EFR3A: variants seen among roughly 807,000 people sequenced by gnomAD.
EFR3A encodes EFR3 homolog A, also known as protein EFR3 homolog A.
Under a neutral mutation model 104.4 loss-of-function variants are expected in EFR3A, and 76 were observed. That is an observed-to-expected ratio of 0.73 (90% CI 0.60 to 0.88). The LOEUF is 0.88. EFR3A is among the 40% of genes least tolerant of loss of function. EFR3A has a pLI of 0.00. For synonymous variants in EFR3A, 330 were observed against 330.0 expected, an observed-to-expected ratio of 1.00 and a Z score of 0.00; for missense variants, 985 against 1,012.5, an observed-to-expected ratio of 0.97 and a Z score of 0.37.
intron 16 of EFR3A, among the ~76,000 whole-genome samples, chr8:131,985,797 A>G (rs966791217): frequency 1.3e-5 from 2 of 152,246 alleles, no homozygotes; most frequent in Non-Finnish European, 2.9e-5. Flanking sequence ...GCCAGTCCAC[A>G]CAAGTGCCTG....
intron 8 of EFR3A, among the ~76,000 whole-genome samples, chr8:131,961,336 C>T (rs1340704393): frequency 6.6e-6 from 1 of 152,126 alleles, no homozygotes; most frequent in African/African-American, 2.4e-5. Flanking sequence ...AAATGGCTAA[C>T]TAGAATAACC....
intron 6 of EFR3A, among the ~76,000 whole-genome samples, chr8:131,954,348 T>C (rs576797295): frequency 2.6e-5 from 4 of 152,082 alleles, no homozygotes; most frequent in African/African-American, 9.6e-5. Flanking sequence ...CACAGGGAGT[T>C]AGAACTAACC....
chr8:131,906,788 C>A (rs1476502976), intron 1 of EFR3A, among the ~76,000 whole-genome samples: 3 of 152,180 alleles, frequency 2.0e-5, no homozygotes, highest in Non-Finnish European at 4.4e-5. Flanking sequence ...AATCCTTAGG[C>A]ACAGATTTCA....
intron 11 of EFR3A, 123 bp downstream of exon 11, chr8:131,976,264 G>T: frequency 1.5e-6 from 1 of 676,644 alleles, no homozygotes; most frequent in South Asian, 1.8e-5. Flanking sequence ...CCTATGGAAA[G>T]CAGTTAGTAT....
chr8:131,919,295 A>G (rs1203067029), intron 1 of EFR3A, among the ~76,000 whole-genome samples: 2 of 152,160 alleles, frequency 1.3e-5, no homozygotes, highest in Non-Finnish European at 2.9e-5. Context: ...TAATTTGCAT[A>G]CCATAAAATT....
At chr8:131,944,900 G>A (rs751180528) in intron 3 of EFR3A, 28 bp downstream of exon 3, 19 of 1,594,256 alleles carry the variant, frequency 1.2e-5, no homozygotes, top group South Asian at 5.8e-5. Context: ...TGCTAAAATA[G>A]TATCTTTGGA....
intron 8 of EFR3A, among the ~76,000 whole-genome samples, chr8:131,961,604 C>T (rs575961251): frequency 2.3e-4 from 35 of 152,216 alleles, no homozygotes; most frequent in African/African-American, 6.5e-4. Context: ...CTGAAAGTGA[C>T]GGGGAGAATG....
chr8:132,002,322 C>T (rs1414614450), intron 20 of EFR3A, among the ~76,000 whole-genome samples: 2 of 152,172 alleles, frequency 1.3e-5, no homozygotes, highest in Non-Finnish European at 2.9e-5. Flanking sequence ...AGCTCCCATT[C>T]CCTTGCCATT....
At chr8:131,987,893 C>T (rs532088900) in intron 18 of EFR3A, among the ~76,000 whole-genome samples, 191 bp downstream of exon 18, 138 of 152,152 alleles carry the variant, frequency 9.1e-4, no homozygotes, top group African/African-American at 2.7e-3. Flanking sequence ...AAATCTCTAA[C>T]GACATAGATA....
At chr8:131,974,139 C>T (rs909280336) in intron 10 of EFR3A, among the ~76,000 whole-genome samples, 3 of 152,124 alleles carry the variant, frequency 2.0e-5, no homozygotes, top group African/African-American at 4.8e-5. Context: ...GACTCCCACC[C>T]CCAGATATTC....
chr8:132,004,356 C>T (rs532501377), intron 22 of EFR3A, among the ~76,000 whole-genome samples: 1 of 152,200 alleles, frequency 6.6e-6, no homozygotes, highest in African/African-American at 2.4e-5. Flanking sequence ...GTCTGAGCTC[C>T]GCTTCCTGTC....
chr8:131,997,822 A>G (rs1427208830), intron 19 of EFR3A, among the ~76,000 whole-genome samples: 1 of 152,022 alleles, frequency 6.6e-6, no homozygotes, highest in Non-Finnish European at 1.5e-5. Context: ...TCCTTTTGTT[A>G]ACTATTCTTA....
At chr8:131,970,074 A>C (rs1819965034) in intron 9 of EFR3A, among the ~76,000 whole-genome samples, 1 of 152,204 alleles carries the variant, frequency 6.6e-6, no homozygotes, top group African/African-American at 2.4e-5. Flanking sequence ...CAAAATAAAT[A>C]TTTGATGCTT....
intron 10 of EFR3A, among the ~76,000 whole-genome samples, chr8:131,972,351 C>T (rs1441585414): frequency 2.6e-5 from 4 of 151,112 alleles, no homozygotes; most frequent in African/African-American, 9.7e-5. Context: ...AGTCATTTCT[C>T]CAAAGGAGCT....
At chr8:131,984,441 A>G (rs1820774593) in intron 15 of EFR3A, 141 bp downstream of exon 15, 4 of 784,446 alleles carry the variant, frequency 5.1e-6, no homozygotes, top group Non-Finnish European at 7.7e-6. Flanking sequence ...GACTATGACT[A>G]CATTCTTCAT....
At chr8:131,911,252 C>A (rs1816498536) in intron 1 of EFR3A, among the ~76,000 whole-genome samples, 1 of 152,168 alleles carries the variant, frequency 6.6e-6, no homozygotes, top group African/African-American at 2.4e-5. Context: ...GTATGTCTTT[C>A]TTCTGCTTTT....
intron 1 of EFR3A, among the ~76,000 whole-genome samples, chr8:131,934,993 C>CT (rs1817803492): frequency 1.3e-5 from 2 of 152,126 alleles, no homozygotes; most frequent in Admixed American, 1.3e-4. Flanking sequence ...GAGGCAGACT[C>CT]TTTTAAAGGG....
Position 132,012,641 on chromosome 8 carries a change from C to G in EFR3A, c.*1746C>G, listed in dbSNP as rs1198642638. On this transcript the variant is annotated 3_prime_UTR_variant, in exon 23 of 23. Coordinates refer to ENST00000254624, the MANE Select transcript of EFR3A (RefSeq NM_015137.6). ...TTTAAAGAAGGATGTTAATTTTTGA[C>G]TATATATTTTAAAAAAATCTAAGCA... 6.6e-6 allele frequency: 1 copy of G among 152,198 alleles called. No individual in the cohort carries two copies. The highest frequency in any genetic ancestry group is 1.5e-5 in the Non-Finnish European group (1 of 67,984). 9.4% of individuals were successfully genotyped at this position (152,198 alleles called of 1,614,324 possible).
intron 3 of EFR3A, 70 bp from the exon 4 acceptor site, chr8:131,946,413 C>A: frequency 7.4e-7 from 1 of 1,349,200 alleles, no homozygotes. Context: ...TTCAGTTCTT[C>A]CAATGTAAAG....
Sources: gnomAD v4.1 joint callset for allele counts (sites outside exome capture counted in the v4.1 genomes callset) on GRCh38, gnomAD v4.1.1 for gene constraint, MANE v1.5 for transcripts, NCBI Gene and HGNC (gene_info 2026-07-23, HGNC 2026-07-21) for gene names.